Variants in ALCAM observed in about 807,000 individuals in gnomAD.
ALCAM encodes CD166 antigen.
A neutral mutation model predicts 70.9 loss-of-function variants in ALCAM; 30 were observed. That is an observed-to-expected ratio of 0.42 (90% CI 0.32 to 0.57). ALCAM has a LOEUF of 0.57. ALCAM is among the 20% of genes least tolerant of loss of function. ALCAM has a pLI of 0.11. For synonymous variants in ALCAM, 249 were observed against 242.5 expected, an observed-to-expected ratio of 1.03 and a Z score of -0.25; for missense variants, 591 against 695.1, an observed-to-expected ratio of 0.85 and a Z score of 1.68.
Position 105,371,153 on chromosome 3 carries a change from T to C in ALCAM, c.73+3672T>C, listed in dbSNP as rs796189683. Among the ~76,000 whole-genome samples the C allele has an allele frequency of 9.2e-5, 14 of 152,304 alleles. 1 individual carries two copies. Among genetic ancestry groups the C allele is most frequent in the African/African-American group, 3.1e-4 (13 of 41,584 alleles). On this transcript the variant is annotated intron_variant, in intron 1 of 15. Transcript: ENST00000306107. Reference sequence around the variant, plus strand: ...ATAGACATTCAGATGAAAATGCATGTCTACCATTGACTTATCAAAAAGAAG... The same window carrying C: ...ATAGACATTCAGATGAAAATGCATGCCTACCATTGACTTATCAAAAAGAAG...
At chr3:105,455,213 G>A (rs141576200) in intron 1 of ALCAM, among the ~76,000 whole-genome samples, 4 of 151,548 alleles carry the variant, frequency 2.6e-5, no homozygotes, top group Admixed American at 6.6e-5. Context: ...AGGCCGAGGC[G>A]GGCGGATCAC....
chr3:105,566,862 C>G (rs1209563898), intron 14 of ALCAM, among the ~76,000 whole-genome samples: 1 of 151,748 alleles, frequency 6.6e-6, no homozygotes. Flanking sequence ...TTTTTTTATT[C>G]TTTCTTACGT....
intron 3 of ALCAM, among the ~76,000 whole-genome samples, chr3:105,527,867 C>T (rs1056125159): frequency 7.2e-5 from 11 of 151,976 alleles, no homozygotes; most frequent in Non-Finnish European, 1.3e-4. Context: ...TCTTTGCTTT[C>T]ACCCTCCTCC....
intron 1 of ALCAM, among the ~76,000 whole-genome samples, chr3:105,436,935 G>T (rs1265004465): frequency 6.6e-6 from 1 of 152,166 alleles, no homozygotes; most frequent in Non-Finnish European, 1.5e-5. Context: ...AAAAGTCAAA[G>T]AGGAAGAAAA....
intron 1 of ALCAM, among the ~76,000 whole-genome samples, chr3:105,461,741 T>G (rs74889342): frequency 6.6e-6 from 1 of 151,776 alleles, no homozygotes; most frequent in Non-Finnish European, 1.5e-5. Context: ...GTTTATTGTT[T>G]TATCTTCCAT....
At chr3:105,485,857 T>C (rs9288807) in intron 1 of ALCAM, among the ~76,000 whole-genome samples, 12,220 of 152,012 alleles carry the variant, frequency 0.08, 612 homozygotes, top group Non-Finnish European at 0.12. Context: ...ATGAAAATAA[T>C]GGCCTGCAAA....
At chr3:105,401,183 C>T (rs1298800372) in intron 1 of ALCAM, among the ~76,000 whole-genome samples, 1 of 152,186 alleles carries the variant, frequency 6.6e-6, no homozygotes, top group Non-Finnish European at 1.5e-5. Flanking sequence ...CAAGGAACAC[C>T]CACACCTTAG....
intron 4 of ALCAM, 130 bp downstream of exon 4, chr3:105,532,196 G>A: frequency 1.3e-6 from 1 of 761,734 alleles, no homozygotes; most frequent in Non-Finnish European, 2.2e-6. Context: ...CTACCAATCA[G>A]AAATTATCTA....
At chr3:105,552,364 G>T in intron 13 of ALCAM, 104 bp from the exon 14 acceptor site, 1 of 1,330,584 alleles carries the variant, frequency 7.5e-7, no homozygotes, top group Middle Eastern at 1.9e-4. Context: ...GTTAATTACT[G>T]TAGTGAGCTT....
intron 1 of ALCAM, among the ~76,000 whole-genome samples, chr3:105,386,024 A>G (rs1935644292): frequency 6.6e-6 from 1 of 151,626 alleles, no homozygotes; most frequent in East Asian, 1.9e-4. Flanking sequence ...AATGGAGCAC[A>G]TACTATTGAA....
chr3:105,451,597 A>G (rs1437477126), intron 1 of ALCAM, among the ~76,000 whole-genome samples: 1 of 152,204 alleles, frequency 6.6e-6, no homozygotes, highest in African/African-American at 2.4e-5. Flanking sequence ...AGGGAAAATA[A>G]AAGCATTAAA....
chr3:105,547,036 G>T (rs1174686206), intron 9 of ALCAM, 113 bp from the exon 10 acceptor site: 3 of 889,354 alleles, frequency 3.4e-6, no homozygotes, highest in Non-Finnish European at 4.8e-6. Context: ...AGAAAAAGAA[G>T]TTTGCATTTA....
intron 1 of ALCAM, among the ~76,000 whole-genome samples, chr3:105,403,138 G>C (rs990839903): frequency 1.3e-5 from 2 of 151,858 alleles, no homozygotes; most frequent in Non-Finnish European, 2.9e-5. Flanking sequence ...GTAGAGACGG[G>C]GTTTCCCCAT....
chr3:105,530,392 A>T (rs529741750), intron 3 of ALCAM, among the ~76,000 whole-genome samples: 28 of 152,180 alleles, frequency 1.8e-4, no homozygotes, highest in Non-Finnish European at 3.4e-4. Flanking sequence ...CCCCCACACA[A>T]TATGTTTCCC....
chr3:105,395,070 T>C (rs1299176497), intron 1 of ALCAM, among the ~76,000 whole-genome samples: 2 of 152,026 alleles, frequency 1.3e-5, no homozygotes, highest in East Asian at 3.9e-4. Context: ...CCTCATGCCA[T>C]AAACTTATTC....
intron 1 of ALCAM, among the ~76,000 whole-genome samples, chr3:105,434,463 A>T (rs1022362793): frequency 6.6e-6 from 1 of 152,060 alleles, no homozygotes; most frequent in Admixed American, 6.5e-5. Context: ...TTTAAATTAG[A>T]TTTTAATTTA....
In ALCAM at chr3:105,386,784, A is replaced by G. The variant is rs545449566; in HGVS notation, c.73+19303A>G. Among the ~76,000 whole-genome samples the G allele has an allele frequency of 5.9e-5, 9 of 151,646 alleles. No individual in the cohort carries two copies. The South Asian group carries it at 1.2e-3, about 21-fold the overall frequency. On this transcript the variant is annotated intron_variant, in intron 1 of 15. Transcript: ENST00000306107. ...TTAGGAATATTTAAAAGAAGTATAC[A>G]TGTTAGATGCAAAGCGCTAATTCAG...
intron 1 of ALCAM, among the ~76,000 whole-genome samples, chr3:105,389,932 C>T (rs1236473037): frequency 6.6e-6 from 1 of 151,926 alleles, no homozygotes; most frequent in Non-Finnish European, 1.5e-5. Context: ...CTTTTTATGG[C>T]TGCATAGTAT....
intron 8 of ALCAM, chr3:105,544,909 CT>C (rs1328375601): frequency 2.2e-4 from 61 of 273,938 alleles, no homozygotes; most frequent in Admixed American, 3.0e-4. Flanking sequence ...CCAGAAGTGA[CT>C]TAAGATTTTT....
Sources: allele counts gnomAD v4.1 joint callset (sites outside exome capture counted in the v4.1 genomes callset), GRCh38; gene constraint gnomAD v4.1.1; transcripts MANE v1.5; gene names NCBI Gene and HGNC (gene_info 2026-07-23, HGNC 2026-07-21).